TNS3: variants seen among roughly 807,000 people sequenced by gnomAD.
TNS3 encodes the protein tensin-3.
Under a neutral mutation model 140.9 loss-of-function variants are expected in TNS3, and 45 were observed. The observed-to-expected ratio is 0.32, with a 90% CI of 0.25 to 0.41. The LOEUF (loss-of-function observed/expected upper bound fraction) is 0.41, where lower values mean the gene tolerates loss of function less well. TNS3 is among the 10% of genes least tolerant of loss of function. The pLI is 1.00. For synonymous variants in TNS3, 815 were observed against 788.4 expected, an observed-to-expected ratio of 1.03 and a Z score of -0.56; for missense variants, 1,716 against 1,906.7, an observed-to-expected ratio of 0.90 and a Z score of 1.86.
chr7:47,561,053 CTT>C (rs1214310372), intron 1 of TNS3, among the ~76,000 whole-genome samples: 1 of 152,236 alleles, frequency 6.6e-6, no homozygotes, highest in African/African-American at 2.4e-5. Flanking sequence ...GTGGTCACCT[CTT>C]TGTCTAGGGT....
At chr7:47,389,187 AAG>A in intron 16 of TNS3, among the ~76,000 whole-genome samples, 1 of 20,278 alleles carries the variant, frequency 4.9e-5, no homozygotes, top group African/African-American at 1.2e-4. Context: ...GAAGAAGCAG[AAG>A]AAGAAGAAGA....
At chr7:47,481,546 C>T in intron 3 of TNS3, 1 of 583,896 alleles carries the variant, frequency 1.7e-6, no homozygotes, top group Non-Finnish European at 2.2e-6. Flanking sequence ...CAAGACCCCA[C>T]TCCTCCCATC....
At chr7:47,282,020 C>T (rs1017568600) in intron 28 of TNS3, among the ~76,000 whole-genome samples, 14 of 151,504 alleles carry the variant, frequency 9.2e-5, no homozygotes, top group Admixed American at 3.9e-4. Context: ...ATGCCCTGAG[C>T]CTGACCCTGA....
intron 24 of TNS3, 99 bp from the exon 25 acceptor site, chr7:47,293,927 G>A: frequency 2.7e-6 from 3 of 1,110,752 alleles, no homozygotes; most frequent in Admixed American, 1.9e-5. Flanking sequence ...CAGTTGAAAA[G>A]GCTCTTCTCT....
chr7:47,333,075 C>A (rs976635907), intron 20 of TNS3, among the ~76,000 whole-genome samples: 1 of 151,706 alleles, frequency 6.6e-6, no homozygotes, highest in Non-Finnish European at 1.5e-5. Context: ...GCCTGCTCCG[C>A]GGATGAGGTG....
chr7:47,455,575 C>T (rs1056497948), intron 4 of TNS3, among the ~76,000 whole-genome samples: 1 of 152,108 alleles, frequency 6.6e-6, no homozygotes, highest in Admixed American at 6.5e-5. Flanking sequence ...TCAGGCACTG[C>T]AGGGAGAATG....
At chr7:47,391,539 GA>G (rs1792516426) in intron 16 of TNS3, among the ~76,000 whole-genome samples, 2 of 152,226 alleles carry the variant, frequency 1.3e-5, no homozygotes, top group Non-Finnish European at 2.9e-5. Flanking sequence ...AGAGCAAGTA[GA>G]AAGCACCCCA....
At chr7:47,408,998 CA>C (rs982147004) in intron 13 of TNS3, among the ~76,000 whole-genome samples, 21 of 151,964 alleles carry the variant, frequency 1.4e-4, no homozygotes, top group African/African-American at 5.1e-4. Flanking sequence ...AAACTTCACT[CA>C]TGGGCCTAGA....
intron 17 of TNS3, among the ~76,000 whole-genome samples, chr7:47,361,155 GCTCAGTGCACCTT>G (rs1440718767): frequency 1.5e-5 from 2 of 134,518 alleles, no homozygotes; most frequent in Non-Finnish European, 3.1e-5. Context: ...GAGCTCCCAG[GCTCAGTGCACCTT>G]CTCAGTGCCT....
chr7:47,366,460 A>T (rs1790704067), intron 17 of TNS3, among the ~76,000 whole-genome samples: 1 of 152,224 alleles, frequency 6.6e-6, no homozygotes, highest in Non-Finnish European at 1.5e-5. Flanking sequence ...TCCCCGGGCC[A>T]GGCACTGGGA....
chr7:47,565,370 C>T (rs577922630), intron 1 of TNS3, among the ~76,000 whole-genome samples: 1 of 150,620 alleles, frequency 6.6e-6, no homozygotes, highest in East Asian at 2.0e-4. Flanking sequence ...CCACCGCGCC[C>T]GGCCTTTTTT....
chr7:47,426,620 G>C (rs1353933333), intron 9 of TNS3, among the ~76,000 whole-genome samples: 1 of 152,136 alleles, frequency 6.6e-6, no homozygotes, highest in Non-Finnish European at 1.5e-5. Context: ...TCATTTTCCA[G>C]GTAAGGATGC....
intron 28 of TNS3, among the ~76,000 whole-genome samples, chr7:47,280,604 G>A (rs1263108929): frequency 6.6e-6 from 1 of 152,204 alleles, no homozygotes; most frequent in African/African-American, 2.4e-5. Context: ...CGTGTGGAAG[G>A]CGGGAATCGG....
chr7:47,400,790 C>A lies in TNS3; in HGVS notation c.848G>T (p.Ser283Ile). Residue 283 changes from serine (S) to isoleucine (I), a missense_variant, in exon 14 of 31, where the codon AGC becomes ATC. By Grantham distance (142) the Ser-to-Ile change is moderately radical (BLOSUM62 -2). This residue lies in a region of TNS3 where 337 missense variants were observed against 428.9 expected (regional missense o/e 0.79). Transcript: ENST00000311160. ...VFGKEDLDNA[S>I]KDDRFPDYGK... ...CCGCCAGCTCCGCGCCTCACCTTTG[C>A]TGGCATTGTCCAGATCCTCCTTCCC... is the stretch of plus-strand genomic sequence containing the variant. 1 of 1,614,084 alleles carries A rather than the reference C, an allele frequency of 6.2e-7. No homozygotes were observed. The highest frequency in any genetic ancestry group is 8.5e-7 in the Non-Finnish European group (1 of 1,179,914).
chr7:47,416,378 T>C (rs186238166), intron 10 of TNS3, among the ~76,000 whole-genome samples: 153 of 152,352 alleles, frequency 1.0e-3, no homozygotes, highest in African/African-American at 3.6e-3. Flanking sequence ...CAGTTAAATT[T>C]GTATACAAAC....
At chr7:47,562,475 CT>C (rs1800337642) in intron 1 of TNS3, among the ~76,000 whole-genome samples, 2 of 151,646 alleles carry the variant, frequency 1.3e-5, no homozygotes, top group African/African-American at 4.8e-5. Context: ...CAACCTCCGC[CT>C]CCCGGGTTCA....
intron 2 of TNS3, among the ~76,000 whole-genome samples, chr7:47,527,190 T>C (rs970926666): frequency 1.3e-5 from 2 of 152,088 alleles, no homozygotes; most frequent in African/African-American, 4.8e-5. Context: ...TGAGCCGAGA[T>C]CGCGCCACTG....
intron 3 of TNS3, among the ~76,000 whole-genome samples, chr7:47,487,421 G>A (rs936240284): frequency 1.3e-5 from 2 of 152,136 alleles, no homozygotes; most frequent in African/African-American, 4.8e-5. Context: ...TGTTCTCCAG[G>A]TCATTCTGCC....
At position 47,305,039 on chromosome 7, in the gene TNS3, T is replaced by C. The variant is rs374461176; in HGVS notation, c.2651-36A>G. The C allele has an allele frequency of 1.7e-5, 23 of 1,324,758 alleles. No individual in the cohort carries two copies. The South Asian group carries it at 5.5e-4, about 31-fold the overall frequency. 82.1% of individuals were successfully genotyped at this position (1,324,758 alleles called of 1,614,324 possible). A position where few individuals can be genotyped will look rare whatever the true frequency, so the allele number is the denominator to read the frequency against. The stretch of plus-strand genomic sequence containing the variant: ...AACACAGGAAGCAGAGAGACCTCGG[T>C]TGTAGGACTGGAGAAGTCATAATCT... On this transcript the variant is annotated intron_variant, in intron 20 of 30. Coordinates refer to ENST00000311160, the MANE Select transcript of TNS3 (RefSeq NM_022748.12).
Sources: allele counts gnomAD v4.1 joint callset (sites outside exome capture counted in the v4.1 genomes callset), GRCh38; gene constraint gnomAD v4.1.1; regional missense constraint gnomAD v4.1.1; transcripts MANE v1.5; gene names NCBI Gene and HGNC (gene_info 2026-07-23, HGNC 2026-07-21).